ZRANB2: variants seen among roughly 807,000 people sequenced by gnomAD.
The protein encoded by ZRANB2 is zinc finger Ran-binding domain-containing protein 2.
A neutral mutation model predicts 53.4 loss-of-function variants in ZRANB2; 19 were observed. The observed-to-expected ratio is 0.36, with a 90% CI of 0.25 to 0.52. ZRANB2 has a LOEUF of 0.52. Among genes scored for constraint, ZRANB2 ranks in the 20% least tolerant of loss-of-function variants. The pLI is 0.93. For synonymous variants in ZRANB2, 145 were observed against 134.8 expected, an observed-to-expected ratio of 1.08 and a Z score of -0.52; for missense variants, 309 against 401.1, an observed-to-expected ratio of 0.77 and a Z score of 1.96.
At chr1:71,068,808 T>C (rs1661524586) in intron 8 of ZRANB2, among the ~76,000 whole-genome samples, 1 of 151,898 alleles carries the variant, frequency 6.6e-6, no homozygotes, top group African/African-American at 2.4e-5. Context: ...TTTTTTTTTT[T>C]TTTGAGACAC....
At chr1:71,080,557 G>A (rs866324571) in intron 1 of ZRANB2, among the ~76,000 whole-genome samples, 1 of 147,784 alleles carries the variant, frequency 6.8e-6, no homozygotes, top group Non-Finnish European at 1.5e-5. Context: ...GTGAACAAGA[G>A]TAAAGTTCTG....
Position 71,064,314 on chromosome 1 carries a change from A to G in ZRANB2, c.*760T>C, listed in dbSNP as rs1221444057. 1 of 152,124 alleles carries G rather than the reference A, an allele frequency of 6.6e-6. No individual in the cohort carries two copies. The highest frequency in any genetic ancestry group is 2.4e-5 in the African/African-American group (1 of 41,442). The allele number at this position is 152,124 out of a possible 1,614,324, so 9.4% of individuals were successfully genotyped here. On this transcript the variant is annotated 3_prime_UTR_variant, in exon 10 of 10. Transcript: ENST00000370920. Reference sequence around the variant, plus strand: ...ATATTTGGTAACTACATTTGGAAGAATATCACACAAAGCTTCTTAAAACAT... The same window carrying G: ...ATATTTGGTAACTACATTTGGAAGAGTATCACACAAAGCTTCTTAAAACAT...
In ZRANB2 at chr1:71,072,163, T is replaced by C. The variant is rs778524864; in HGVS notation, c.471A>G (p.Glu157=). The C allele has an allele frequency of 1.7e-5, 28 of 1,612,202 alleles. No homozygotes were observed. Among genetic ancestry groups the C allele is most frequent in the African/African-American group, 6.7e-5 (5 of 74,826 alleles). The change falls in exon 6 of 10, where the codon GAA becomes GAG. Residue 157 remains glutamate (E), a synonymous_variant. Transcript: ENST00000370920. ...TAGAAAGATCTTCATCCTCATCCTC[T>C]TCTTCTCCCTCTGATTCTTTATCTT... is the stretch of plus-strand genomic sequence containing the variant. The part of the protein sequence containing the change: ...EVEDKESEGE[E]EDEDEDLSKY...
At position 71,064,866 on chromosome 1, in the gene ZRANB2, C is replaced by A. The variant is rs146951263; in HGVS notation, c.*208G>T. 4.6e-6 allele frequency: 2 copies of A among 430,260 alleles called. No homozygotes were observed. Among genetic ancestry groups the A allele is most frequent in the East Asian group, 7.4e-5 (2 of 26,894 alleles). 26.7% of individuals were successfully genotyped at this position (430,260 alleles called of 1,614,324 possible). ...GCAAATGGTTGTAAATAATGAATGA[C>A]AGAACATCTATTTTGGGACATTATG... On this transcript the variant is annotated 3_prime_UTR_variant, in exon 10 of 10. Coordinates refer to ENST00000370920, the MANE Select transcript of ZRANB2 (RefSeq NM_203350.3).
chr1:71,078,327 A>T lies in ZRANB2; in HGVS notation c.218+130T>A, dbSNP rs1011007918. On this transcript the variant is annotated intron_variant, in intron 3 of 9. Transcript: ENST00000370920. ...ATACTATACTTAAAGATGAGACTGA[A>T]TAACAATACCTTGGATTTAAAAGGT... 1.7e-5 allele frequency: 12 copies of T among 727,050 alleles called. No homozygotes were observed. The East Asian group carries it at 3.2e-4, about 19-fold the overall frequency. 45.0% of individuals were successfully genotyped at this position (727,050 alleles called of 1,614,324 possible).
At chr1:71,068,620 T>C (rs569979457) in intron 8 of ZRANB2, among the ~76,000 whole-genome samples, 79 of 152,280 alleles carry the variant, frequency 5.2e-4, no homozygotes, top group African/African-American at 1.8e-3. Flanking sequence ...GGAAAATGTA[T>C]ATACAGTACT....
intron 4 of ZRANB2, among the ~76,000 whole-genome samples, chr1:71,076,266 T>G (rs1661708334): frequency 6.6e-6 from 1 of 152,228 alleles, no homozygotes; most frequent in Admixed American, 6.5e-5. Context: ...TTTAGGCCAA[T>G]GATTATCAAA....
intron 4 of ZRANB2, among the ~76,000 whole-genome samples, chr1:71,073,694 A>G (rs1017415088): frequency 6.6e-6 from 1 of 152,072 alleles, no homozygotes; most frequent in African/African-American, 2.4e-5. Context: ...CTGAAAAGTA[A>G]TATGACAAAT....
At chr1:71,080,232 T>C (rs1573064333) in intron 1 of ZRANB2, among the ~76,000 whole-genome samples, 1 of 125,344 alleles carries the variant, frequency 8.0e-6, no homozygotes, top group Non-Finnish European at 1.7e-5. Context: ...TGATTAACTA[T>C]CTAGTCGAGT....
At chr1:71,072,791 T>C (rs1239221188) in intron 4 of ZRANB2, among the ~76,000 whole-genome samples, 2 of 152,122 alleles carry the variant, frequency 1.3e-5, no homozygotes, top group Non-Finnish European at 2.9e-5. Flanking sequence ...ACATGACTTA[T>C]TTAATTCATA....
chr1:71,080,766 A>G (rs1458147017), intron 1 of ZRANB2, among the ~76,000 whole-genome samples, 174 bp downstream of exon 1: 1 of 152,204 alleles, frequency 6.6e-6, no homozygotes, highest in Non-Finnish European at 1.5e-5. Flanking sequence ...AGGCTCCCGG[A>G]AAGACCTCTC....
chr1:71,078,231 T>C (rs1661752780), intron 3 of ZRANB2, among the ~76,000 whole-genome samples: 2 of 152,216 alleles, frequency 1.3e-5, no homozygotes, highest in African/African-American at 4.8e-5. Context: ...ATTTGTTTAC[T>C]GGTATACATA....
chr1:71,071,970 G>C (rs1229749508), intron 6 of ZRANB2, 151 bp downstream of exon 6: 5 of 1,134,854 alleles, frequency 4.4e-6, no homozygotes, highest in Non-Finnish European at 6.2e-6. Flanking sequence ...AGTACAAATA[G>C]TACTTGGCAG....
chr1:71,067,830 G>A, intron 8 of ZRANB2: 1 of 323,958 alleles, frequency 3.1e-6, no homozygotes, highest in Non-Finnish European at 6.1e-6. Flanking sequence ...CTTAAATATT[G>A]TTACTAAATA....
chr1:71,066,849 T>C lies in ZRANB2; in HGVS notation c.856A>G (p.Lys286Glu). ...SSSSSPERNR[K>E]RSRSRSSSSG... is the part of the protein sequence containing the mutation. Reference sequence around the variant, plus strand: ...GAAGAAGATCTAGAACGACTTCTCTTTCTGTTCCTCTCAGGAGAAGATGAT... The same window carrying C: ...GAAGAAGATCTAGAACGACTTCTCTCTCTGTTCCTCTCAGGAGAAGATGAT... The change falls in exon 9 of 10, where the codon AAG becomes GAG. Residue 286 changes from lysine to glutamate, a missense_variant. Coordinates refer to ENST00000370920, the MANE Select transcript of ZRANB2 (RefSeq NM_203350.3). 6.2e-7 allele frequency: 1 copy of C among 1,612,674 alleles called. No homozygotes were observed. Among genetic ancestry groups the C allele is most frequent in the Non-Finnish European group, 8.5e-7 (1 of 1,179,560 alleles).
intron 8 of ZRANB2, among the ~76,000 whole-genome samples, chr1:71,068,743 T>C (rs896910579): frequency 3.3e-5 from 5 of 152,032 alleles, no homozygotes; most frequent in Middle Eastern, 3.2e-3. Flanking sequence ...CTTTTAATAA[T>C]GAAGAAAATT....
At chr1:71,074,491 A>T (rs1573058422) in intron 4 of ZRANB2, among the ~76,000 whole-genome samples, 1 of 152,164 alleles carries the variant, frequency 6.6e-6, no homozygotes, top group African/African-American at 2.4e-5. Context: ...GGGGATGAAT[A>T]TAACATGTAC....
At chr1:71,071,536 G>C (rs984527678) in intron 6 of ZRANB2, among the ~76,000 whole-genome samples, 2 of 152,050 alleles carry the variant, frequency 1.3e-5, no homozygotes, top group African/African-American at 4.8e-5. Context: ...CCTTAACATG[G>C]CATAAAACTT....
chr1:71,078,189 A>T (rs1661751675), intron 3 of ZRANB2, among the ~76,000 whole-genome samples: 1 of 151,808 alleles, frequency 6.6e-6, no homozygotes, highest in Non-Finnish European at 1.5e-5. Context: ...AAGTACCACC[A>T]CCCCCCGATT....
Sources: gnomAD v4.1 joint callset for allele counts (sites outside exome capture counted in the v4.1 genomes callset) on GRCh38, gnomAD v4.1.1 for gene constraint, MANE v1.5 for transcripts, NCBI Gene and HGNC (gene_info 2026-07-23, HGNC 2026-07-21) for gene names.